HECW2: variants seen among roughly 807,000 people sequenced by gnomAD.
HECW2 encodes E3 ubiquitin-protein ligase HECW2.
In HECW2, 61 loss-of-function variants were observed where a neutral mutation model predicts 175.2. The ratio of observed to expected loss-of-function variants is 0.35; its 90% CI spans 0.28 to 0.43. The LOEUF is 0.43. Among genes scored for constraint, HECW2 ranks in the 20% least tolerant of loss-of-function variants. HECW2 has a pLI of 1.00. For synonymous variants in HECW2, 671 were observed against 731.0 expected, an observed-to-expected ratio of 0.92 and a Z score of 1.32; for missense variants, 1,524 against 2,000.5, an observed-to-expected ratio of 0.76 and a Z score of 4.54.
chr2:196,346,561 G>A (rs943416022), intron 2 of HECW2, among the ~76,000 whole-genome samples: 7 of 152,136 alleles, frequency 4.6e-5, no homozygotes, highest in Admixed American at 2.6e-4. Context: ...AATAAATAAC[G>A]TGTGCTTTCT....
chr2:196,388,550 C>T (rs1352928375), intron 2 of HECW2, among the ~76,000 whole-genome samples: 1 of 152,156 alleles, frequency 6.6e-6, no homozygotes, highest in Non-Finnish European at 1.5e-5. Flanking sequence ...CATGGGTACA[C>T]AACTAGTCAG....
intron 13 of HECW2, among the ~76,000 whole-genome samples, chr2:196,299,991 A>C (rs1027368465): frequency 6.6e-6 from 1 of 152,126 alleles, no homozygotes; most frequent in East Asian, 1.9e-4. Context: ...TCCAGTCTCT[A>C]CTTGAAACAA....
intron 2 of HECW2, among the ~76,000 whole-genome samples, chr2:196,391,000 GCT>G (rs1297835479): frequency 6.6e-6 from 1 of 152,072 alleles, no homozygotes; most frequent in African/African-American, 2.4e-5. Context: ...CATACACTCT[GCT>G]CTCTGCCCTG....
chr2:196,270,395 G>T (rs758135284), intron 17 of HECW2, among the ~76,000 whole-genome samples: 2 of 152,188 alleles, frequency 1.3e-5, no homozygotes, highest in Non-Finnish European at 2.9e-5. Flanking sequence ...GAGAAATGAT[G>T]TTTTGAAAAG....
intron 1 of HECW2, among the ~76,000 whole-genome samples, chr2:196,487,749 C>T (rs1687057389): frequency 6.6e-6 from 1 of 152,140 alleles, no homozygotes; most frequent in Non-Finnish European, 1.5e-5. Flanking sequence ...ATGACTCAAA[C>T]ATTTTGATAT....
intron 1 of HECW2, 55 bp from the exon 2 acceptor site, chr2:196,433,513 T>A: frequency 1.5e-6 from 2 of 1,318,418 alleles, no homozygotes. Flanking sequence ...AGAATCAGAT[T>A]TAAGCTTTCC....
chr2:196,462,424 C>T (rs1247715366), intron 1 of HECW2, among the ~76,000 whole-genome samples: 1 of 152,104 alleles, frequency 6.6e-6, no homozygotes, highest in Non-Finnish European at 1.5e-5. Flanking sequence ...ATTATATGAT[C>T]AAGATGACAA....
chr2:196,513,401 C>G lies in HECW2; in HGVS notation c.-35-79943G>C, dbSNP rs187997876. ...GCACATGCCTGTATTCCCAGCTACT[C>G]AGGAGGCTGAGGTAGGAGGATCACC... On this transcript the variant is annotated intron_variant, in intron 1 of 28. Transcript: ENST00000644978. Among the ~76,000 whole-genome samples, 89 of 152,248 alleles carry G rather than the reference C, an allele frequency of 5.8e-4. No individual in the cohort carries two copies. The East Asian group carries it at 9.3e-3, about 16-fold the overall frequency.
chr2:196,220,371 T>C (rs995043121), intron 25 of HECW2, among the ~76,000 whole-genome samples: 3 of 152,232 alleles, frequency 2.0e-5, no homozygotes, highest in African/African-American at 7.2e-5. Flanking sequence ...TTATAATTGA[T>C]TGCTGATTAA....
At chr2:196,449,436 A>AC (rs1696281966) in intron 1 of HECW2, among the ~76,000 whole-genome samples, 1 of 152,234 alleles carries the variant, frequency 6.6e-6, no homozygotes, top group Non-Finnish European at 1.5e-5. Flanking sequence ...ATAGATAATT[A>AC]GATAATCCTT....
At chr2:196,241,565 A>G (rs1688456463) in intron 20 of HECW2, among the ~76,000 whole-genome samples, 1 of 152,194 alleles carries the variant, frequency 6.6e-6, no homozygotes, top group Non-Finnish European at 1.5e-5. Flanking sequence ...AGGGAATGGA[A>G]ACAATTCTAG....
intron 17 of HECW2, among the ~76,000 whole-genome samples, chr2:196,269,713 C>T (rs374351207): frequency 2.6e-5 from 4 of 152,088 alleles, no homozygotes; most frequent in East Asian, 3.9e-4. Context: ...TGGAAAATAA[C>T]GCATAAGGAC....
At chr2:196,331,705 G>T (rs1692367687) in intron 4 of HECW2, among the ~76,000 whole-genome samples, 1 of 152,104 alleles carries the variant, frequency 6.6e-6, no homozygotes, top group South Asian at 2.1e-4. Flanking sequence ...AATTCTCAAA[G>T]ACTTCACAGA....
At chr2:196,368,536 T>C (rs1693815585) in intron 2 of HECW2, among the ~76,000 whole-genome samples, 1 of 152,074 alleles carries the variant, frequency 6.6e-6, no homozygotes, top group South Asian at 2.1e-4. Flanking sequence ...GTTTGGGAGG[T>C]TTTCTGTTAT....
At chr2:196,368,706 C>G (rs1472644320) in intron 2 of HECW2, among the ~76,000 whole-genome samples, 1 of 151,962 alleles carries the variant, frequency 6.6e-6, no homozygotes, top group East Asian at 1.9e-4. Flanking sequence ...TTTCAAATAG[C>G]CTGTCTTCAA....
chr2:196,365,337 A>G (rs1281024033), intron 2 of HECW2, among the ~76,000 whole-genome samples: 1 of 152,256 alleles, frequency 6.6e-6, no homozygotes, highest in Non-Finnish European at 1.5e-5. Flanking sequence ...CAAGGTTAGC[A>G]CATCAGGAAG....
intron 1 of HECW2, among the ~76,000 whole-genome samples, chr2:196,518,217 A>T (rs1688218040): frequency 6.6e-6 from 1 of 152,214 alleles, no homozygotes; most frequent in African/African-American, 2.4e-5. Context: ...ATTAAAAAAT[A>T]AAATATAATA....
chr2:196,591,826 C>T (rs1029832036), intron 1 of HECW2, among the ~76,000 whole-genome samples: 1 of 152,144 alleles, frequency 6.6e-6, no homozygotes, highest in African/African-American at 2.4e-5. Flanking sequence ...TAATAATATC[C>T]CCATCCAGAT....
intron 21 of HECW2, chr2:196,239,207 G>A (rs560691536): frequency 1.3e-5 from 2 of 152,330 alleles, no homozygotes; most frequent in East Asian, 3.9e-4. Flanking sequence ...ATGTCATAGT[G>A]TGTTTGCACA....
Sources: allele counts gnomAD v4.1 joint callset (sites outside exome capture counted in the v4.1 genomes callset), GRCh38; gene constraint gnomAD v4.1.1; transcripts MANE v1.5; gene names NCBI Gene and HGNC (gene_info 2026-07-23, HGNC 2026-07-21).